Variants in ZNF253 observed in about 807,000 individuals in gnomAD.
ZNF253 encodes zinc finger protein 253.
A neutral mutation model predicts 11.9 loss-of-function variants in ZNF253; 8 were observed. The ratio of observed to expected loss-of-function variants is 0.67; its 90% CI spans 0.40 to 1.22. The LOEUF is 1.22. Ranked by LOEUF, ZNF253 falls within the 50% of genes most tolerant of loss-of-function variation. The pLI, the probability that ZNF253 is intolerant of heterozygous loss-of-function variation, is 0.01. For synonymous variants in ZNF253, 194 were observed against 194.9 expected (o/e 1.00, Z 0.04); for missense variants, 485 against 586.9 (o/e 0.83, Z 1.79).
chr19:19,891,007 A>ATTTTTTTTTTTTTTTT (rs1568501169), intron 3 of ZNF253, among the ~76,000 whole-genome samples: 7 of 149,810 alleles, frequency 4.7e-5, no homozygotes, highest in African/African-American at 1.8e-4. Context: ...TGTCTGGCTA[A>ATTTTTTTTTTTTTTTT]TTTTTTGTAT....
At chr19:19,871,765 A>G (rs770137043) in intron 1 of ZNF253, among the ~76,000 whole-genome samples, 10 of 152,164 alleles carry the variant, frequency 6.6e-5, no homozygotes, top group Non-Finnish European at 1.5e-4. Context: ...GATGATGCAT[A>G]TCACATTCAA....
chr19:19,890,498 T>TTTTGTGTG, intron 3 of ZNF253, among the ~76,000 whole-genome samples: 1 of 141,044 alleles, frequency 7.1e-6, no homozygotes, highest in Admixed American at 7.2e-5. Context: ...CAATTTATAT[T>TTTTGTGTG]TGTGTGTGTG....
At position 19,894,033 on chromosome 19, in the gene ZNF253, ATATT is replaced by A. The variant is rs2063244564; in HGVS notation, c.*1289_*1292del. Reference sequence around the variant, plus strand: ...TTGCAGATGCAGTAAATATCAAAAAATATTTAATTCAAAATTGATTCTATGTAAA... The same window carrying A: ...TTGCAGATGCAGTAAATATCAAAAAATAATTCAAAATTGATTCTATGTAAA... On this transcript the variant is annotated 3_prime_UTR_variant, in exon 4 of 4. Transcript: ENST00000589717. The A allele has an allele frequency of 6.6e-6, 1 of 152,264 alleles. No individual in the cohort carries two copies. The highest frequency in any genetic ancestry group is 1.5e-5 in the Non-Finnish European group (1 of 68,044). The allele number at this position is 152,264 out of a possible 1,614,324, so 9.4% of individuals were successfully genotyped here.
intron 1 of ZNF253, among the ~76,000 whole-genome samples, chr19:19,878,174 C>T (rs1372383185): frequency 6.6e-6 from 1 of 152,122 alleles, no homozygotes; most frequent in Non-Finnish European, 1.5e-5. Context: ...GAAAAATATT[C>T]ACAACTCATT....
intron 1 of ZNF253, among the ~76,000 whole-genome samples, chr19:19,872,577 A>ATATATATATATATATAT (rs1555777035): frequency 9.4e-6 from 1 of 106,788 alleles, no homozygotes; most frequent in African/African-American, 5.6e-5. Flanking sequence ...ATATATATAT[A>ATATATATATATATATAT]TATTATTATA....
At chr19:19,886,137 C>CTACCATGCTAGTA (rs2063205615) in intron 3 of ZNF253, among the ~76,000 whole-genome samples, 1 of 152,228 alleles carries the variant, frequency 6.6e-6, no homozygotes, top group East Asian at 1.9e-4. Flanking sequence ...GGATTACAGA[C>CTACCATGCTAGTA]ATGCACTACC....
At chr19:19,867,613 C>T (rs913146440) in intron 1 of ZNF253, among the ~76,000 whole-genome samples, 1 of 152,214 alleles carries the variant, frequency 6.6e-6, no homozygotes, top group Non-Finnish European at 1.5e-5. Flanking sequence ...AGGCAATCCA[C>T]CTGCCTCAGC....
chr19:19,889,147 T>C (rs909410105), intron 3 of ZNF253, among the ~76,000 whole-genome samples: 1 of 151,956 alleles, frequency 6.6e-6, no homozygotes, highest in South Asian at 2.1e-4. Context: ...TGTATCCTAG[T>C]TTGTTCAGCT....
At chr19:19,885,936 A>G (rs1769037086) in intron 3 of ZNF253, among the ~76,000 whole-genome samples, 1 of 152,064 alleles carries the variant, frequency 6.6e-6, no homozygotes, top group Admixed American at 6.6e-5. Flanking sequence ...TTTAATTCCT[A>G]ATTTCATTCA....
At chr19:19,870,117 C>A (rs951413053) in intron 1 of ZNF253, among the ~76,000 whole-genome samples, 14 of 151,944 alleles carry the variant, frequency 9.2e-5, no homozygotes, top group Non-Finnish European at 1.9e-4. Context: ...ACATACATTG[C>A]CGAGTGCAGT....
In ZNF253 at chr19:19,892,494, G is replaced by T. The variant is rs1263757310; in HGVS notation, c.1247G>T (p.Arg416Ile). 7 of 1,611,138 alleles carry T rather than the reference G, an allele frequency of 4.3e-6. No homozygotes were observed. The highest frequency in any genetic ancestry group is 2.2e-5 in the South Asian group (2 of 90,864). The change falls in exon 4 of 4, where the codon AGA becomes ATA. Residue 416 changes from arginine to isoleucine, a missense_variant. This residue lies in a region of ZNF253 where 232 missense variants were observed against 321.4 expected (regional missense o/e 0.72). Transcript: ENST00000589717. ...TWPSILSKHK[R>I]THTGEKPYKC... Reference sequence around the variant, plus strand: ...CCCTCAATCCTCTCCAAACATAAAAGAACTCATACTGGAGAGAAACCCTAC... The same window carrying T: ...CCCTCAATCCTCTCCAAACATAAAATAACTCATACTGGAGAGAAACCCTAC...
Position 19,891,732 on chromosome 19 carries a change from A to G in ZNF253, c.485A>G (p.Tyr162Cys), listed in dbSNP as rs200338359. 1.3e-5 allele frequency: 21 copies of G among 1,614,022 alleles called. No homozygotes were observed. Among genetic ancestry groups the G allele is most frequent in the South Asian group, 2.2e-5 (2 of 91,078 alleles). The change falls in exon 4 of 4, where the codon TAT (tyrosine) becomes TGT (cysteine). Residue 162 changes from tyrosine (Y) to cysteine (C), a missense_variant. Around this residue, in one of 3 missense-constraint regions of ZNF253, gnomAD observed 218 missense variants for 213.1 expected, o/e 1.02. Coordinates refer to ENST00000589717, the MANE Select transcript of ZNF253 (RefSeq NM_021047.3). ...VFHKFSNSNT[Y>C]KTRHTGINLF... is the part of the protein sequence containing the mutation. Reference sequence around the variant, plus strand: ...CATAAGTTTTCAAATTCAAACACATATAAGACAAGACATACTGGAATAAAT... The same window carrying G: ...CATAAGTTTTCAAATTCAAACACATGTAAGACAAGACATACTGGAATAAAT...
At chr19:19,891,428 T>C (rs1285554773) in intron 3 of ZNF253, 46 bp from the exon 4 acceptor site, 2 of 1,448,838 alleles carry the variant, frequency 1.4e-6, no homozygotes, top group South Asian at 2.8e-5. Context: ...TGTATATTTA[T>C]CTGAGTCTAG....
intron 1 of ZNF253, among the ~76,000 whole-genome samples, chr19:19,866,498 A>G (rs2063111547): frequency 7.5e-6 from 1 of 132,864 alleles, no homozygotes; most frequent in South Asian, 2.6e-4. Context: ...GAAAGGAAGG[A>G]AGGTTTTTTT....
rs114021016 is a variant in ZNF253, at chr19:19,884,430, C to T, written c.226+4284C>T. Among the ~76,000 whole-genome samples the T allele has an allele frequency of 7.6e-3, 1,156 of 151,564 alleles. 14 individuals are homozygous for T. Among genetic ancestry groups the T allele is most frequent in the African/African-American group, 0.026 (1,092 of 41,292 alleles). On this transcript the variant is annotated intron_variant, in intron 3 of 3. Coordinates refer to ENST00000589717, the MANE Select transcript of ZNF253 (RefSeq NM_021047.3). Reference sequence around the variant, plus strand: ...GCTGTCACCCAGGCTGGAGTGTAGTCGTGTGATCTCAGCTCACTGCAACCT... The same window carrying T: ...GCTGTCACCCAGGCTGGAGTGTAGTTGTGTGATCTCAGCTCACTGCAACCT...
intron 3 of ZNF253, among the ~76,000 whole-genome samples, chr19:19,887,440 G>A (rs1258830242): frequency 6.6e-6 from 1 of 152,000 alleles, no homozygotes; most frequent in African/African-American, 2.4e-5. Context: ...GGGATTAAAG[G>A]CATCTGCTAC....
At chr19:19,890,177 A>G (rs1463129746) in intron 3 of ZNF253, among the ~76,000 whole-genome samples, 1 of 152,202 alleles carries the variant, frequency 6.6e-6, no homozygotes, top group Non-Finnish European at 1.5e-5. Flanking sequence ...TTTCTCAAAC[A>G]TGTTTTTAGG....
intron 3 of ZNF253, among the ~76,000 whole-genome samples, chr19:19,888,051 A>G (rs903515204): frequency 3.3e-5 from 5 of 152,068 alleles, no homozygotes; most frequent in African/African-American, 1.2e-4. Context: ...AAAACTTACT[A>G]ATGTTATCTA....
intron 3 of ZNF253, among the ~76,000 whole-genome samples, chr19:19,889,687 G>T (rs2063220825): frequency 6.6e-6 from 1 of 151,794 alleles, no homozygotes; most frequent in Non-Finnish European, 1.5e-5. Context: ...CTGTTGCCCA[G>T]CCTGGCCAGC....
Sources: allele counts gnomAD v4.1 joint callset (sites outside exome capture counted in the v4.1 genomes callset), GRCh38; gene constraint gnomAD v4.1.1; regional missense constraint gnomAD v4.1.1; transcripts MANE v1.5; gene names NCBI Gene and HGNC (gene_info 2026-07-23, HGNC 2026-07-21).